Variants in RASSF6 observed in about 807,000 individuals in gnomAD.
The protein encoded by RASSF6 is ras association domain-containing protein 6.
RASSF6 carries 52 observed loss-of-function variants against 44.0 expected under a neutral mutation model. The ratio of observed to expected loss-of-function variants is 1.18; its 90% CI spans 0.95 to 1.49. The LOEUF (loss-of-function observed/expected upper bound fraction) is 1.49, where lower values mean the gene tolerates loss of function less well. RASSF6 is among the 40% of genes most tolerant of loss of function. The pLI, the probability that RASSF6 is intolerant of heterozygous loss-of-function variation, is 0.00. For synonymous variants in RASSF6, 162 were observed against 124.6 expected (o/e 1.30, Z -2.00); for missense variants, 464 against 393.3 (o/e 1.18, Z -1.52).
intron 3 of RASSF6, among the ~76,000 whole-genome samples, chr4:73,594,453 G>A (rs1724796585): frequency 6.6e-6 from 1 of 152,192 alleles, no homozygotes; most frequent in Admixed American, 6.5e-5. Flanking sequence ...AGACAGACCT[G>A]TGCTCAAACC....
At chr4:73,583,392 T>G (rs551126500) in intron 6 of RASSF6, among the ~76,000 whole-genome samples, 1 of 152,258 alleles carries the variant, frequency 6.6e-6, no homozygotes, top group African/African-American at 2.4e-5. Flanking sequence ...CCTGCTATCA[T>G]TTACTATCAC....
Position 73,585,340 on chromosome 4 carries a change from G to T in RASSF6, c.407C>A (p.Thr136Asn). Residue 136 changes from threonine to asparagine, a missense_variant, in exon 6 of 11, where the codon ACC (threonine) becomes AAC (asparagine). Physicochemically the swap from Thr to Asn is moderately conservative, Grantham distance 65. Coordinates refer to ENST00000307439, the MANE Select transcript of RASSF6 (RefSeq NM_177532.5). ...TTCATCCTTTGCATGTGGCTTCAGG[G>T]TGTTGCTGTGATAAGATAAATAGTC... ...QEDYLSYHSN[T>N]LKPHAKDEPD... 1.1e-5 allele frequency: 17 copies of T among 1,596,550 alleles called. No individual in the cohort carries two copies. Among genetic ancestry groups the T allele is most frequent in the Non-Finnish European group, 1.4e-5 (17 of 1,173,178 alleles).
chr4:73,614,415 C>A (rs1726215518), intron 1 of RASSF6, among the ~76,000 whole-genome samples: 1 of 152,094 alleles, frequency 6.6e-6, no homozygotes, highest in African/African-American at 2.4e-5. Flanking sequence ...TGGTTAGTGC[C>A]CTTATAAAAG....
rs1723282982 is a variant in RASSF6, at chr4:73,577,044, C to A, written c.722-313G>T. ...AATAATTATTTAGGTTTCATTCCAC[C>A]ATTCCTTCATCCATACAACAAATAT... On this transcript the variant is annotated intron_variant, in intron 8 of 10. Transcript: ENST00000307439. Among the ~76,000 whole-genome samples, 6 of 152,092 alleles carry A rather than the reference C, an allele frequency of 3.9e-5. No homozygotes were observed. The South Asian group carries it at 1.0e-3, about 26-fold the overall frequency.
intron 8 of RASSF6, among the ~76,000 whole-genome samples, chr4:73,580,268 A>C (rs1309561325): frequency 6.6e-6 from 1 of 151,404 alleles, no homozygotes; most frequent in East Asian, 1.9e-4. Flanking sequence ...AATCCAGTCT[A>C]TCATTGTTGG....
intron 4 of RASSF6, among the ~76,000 whole-genome samples, chr4:73,590,970 G>A (rs1724501627): frequency 1.3e-5 from 2 of 152,132 alleles, no homozygotes; most frequent in Admixed American, 6.5e-5. Flanking sequence ...TAGAACCTGT[G>A]GCAGTATATG....
intron 1 of RASSF6, among the ~76,000 whole-genome samples, chr4:73,616,726 G>GTATTTCAAT (rs1337746529): frequency 2.0e-5 from 3 of 152,192 alleles, no homozygotes; most frequent in African/African-American, 7.2e-5. Context: ...TAGCAAGTGT[G>GTATTTCAAT]TATTTCAATT....
At chr4:73,616,206 T>C (rs1468219052) in intron 1 of RASSF6, among the ~76,000 whole-genome samples, 1 of 151,074 alleles carries the variant, frequency 6.6e-6, no homozygotes, top group Non-Finnish European at 1.5e-5. Flanking sequence ...AGAACTAATA[T>C]ATATACATAT....
At chr4:73,613,928 A>G (rs574660378) in intron 1 of RASSF6, among the ~76,000 whole-genome samples, 2 of 152,098 alleles carry the variant, frequency 1.3e-5, no homozygotes, top group East Asian at 1.9e-4. Context: ...TCTCCATCCC[A>G]TAATCTCTGT....
intron 6 of RASSF6, among the ~76,000 whole-genome samples, chr4:73,583,262 A>T (rs919347963): frequency 1.3e-5 from 2 of 152,196 alleles, no homozygotes; most frequent in Admixed American, 6.6e-5. Flanking sequence ...AAAATAAGAT[A>T]GTAAGACTAA....
At chr4:73,616,024 A>G in intron 1 of RASSF6, 2 of 1,239,018 alleles carry the variant, frequency 1.6e-6, no homozygotes, top group Admixed American at 2.0e-5. Flanking sequence ...ACATATCTAA[A>G]AGTGGAAAAT....
At chr4:73,610,605 T>G (rs940709937) in intron 2 of RASSF6, among the ~76,000 whole-genome samples, 9 of 152,116 alleles carry the variant, frequency 5.9e-5, no homozygotes, top group African/African-American at 2.2e-4. Flanking sequence ...GGCTGTGGAG[T>G]TGCCATTCCC....
At chr4:73,593,321 T>C (rs889378134) in intron 4 of RASSF6, 130 bp downstream of exon 4, 1 of 970,050 alleles carries the variant, frequency 1.0e-6, no homozygotes. Flanking sequence ...CGGCCATTGC[T>C]GGGAAATTAA....
At chr4:73,591,698 T>C (rs1724573789) in intron 4 of RASSF6, among the ~76,000 whole-genome samples, 1 of 152,012 alleles carries the variant, frequency 6.6e-6, no homozygotes, top group African/African-American at 2.4e-5. Flanking sequence ...AGCCCTAAGC[T>C]CCTTGGCAAT....
chr4:73,591,759 C>A (rs1724577692), intron 4 of RASSF6, among the ~76,000 whole-genome samples: 1 of 152,064 alleles, frequency 6.6e-6, no homozygotes, highest in Non-Finnish European at 1.5e-5. Context: ...GTAGTGACAA[C>A]AAAGCAGAGG....
At chr4:73,604,941 G>A (rs1310644541) in intron 2 of RASSF6, among the ~76,000 whole-genome samples, 1 of 148,264 alleles carries the variant, frequency 6.7e-6, no homozygotes, top group East Asian at 2.0e-4. Context: ...CCAGGCTGGA[G>A]TGCAATGGTG....
At chr4:73,608,297 G>T (rs1446322907) in intron 2 of RASSF6, among the ~76,000 whole-genome samples, 1 of 151,668 alleles carries the variant, frequency 6.6e-6, no homozygotes, top group Non-Finnish European at 1.5e-5. Flanking sequence ...CTCCTTAATT[G>T]ATAAAACAGG....
intron 2 of RASSF6, among the ~76,000 whole-genome samples, chr4:73,604,884 C>CTTTTTTTTTTTTT (rs35609056): frequency 6.5e-5 from 9 of 138,328 alleles, no homozygotes; most frequent in Non-Finnish European, 7.7e-5. Context: ...CATTTTCTTT[C>CTTTTTTTTTTTTT]TTTTTTTTTT....
At chr4:73,581,902 T>G in intron 7 of RASSF6, 34 bp from the exon 8 acceptor site, 1 of 1,541,182 alleles carries the variant, frequency 6.5e-7, no homozygotes, top group Non-Finnish European at 9.0e-7. Context: ...ATATAAATTC[T>G]TTGTTGTTAT....
Sources: allele counts gnomAD v4.1 joint callset (sites outside exome capture counted in the v4.1 genomes callset), GRCh38; gene constraint gnomAD v4.1.1; transcripts MANE v1.5; gene names NCBI Gene and HGNC (gene_info 2026-07-23, HGNC 2026-07-21).